NPLOC4: variants seen among roughly 807,000 people sequenced by gnomAD.
NPLOC4 encodes NPL4 homolog, ubiquitin recognition factor, also known as nuclear protein localization protein 4 homolog.
NPLOC4 carries 18 observed loss-of-function variants against 80.6 expected under a neutral mutation model. That is an observed-to-expected ratio of 0.22 (90% CI 0.15 to 0.33). The LOEUF (loss-of-function observed/expected upper bound fraction) is 0.33. NPLOC4 is among the 10% of genes least tolerant of loss of function. The pLI is 1.00. For missense variants in NPLOC4, 540 were observed against 786.1 expected (o/e 0.69, Z 3.74); for synonymous variants, 313 against 301.5 (o/e 1.04, Z -0.39).
intron 16 of NPLOC4, chr17:81,563,908 GGTACTCAC>G (rs754892717): frequency 6.6e-6 from 3 of 454,240 alleles, no homozygotes; most frequent in Admixed American, 2.4e-5. Context: ...GCTAAACATG[GGTACTCAC>G]GTACATAAAG....
chr17:81,585,151 C>A (rs1419716579), intron 12 of NPLOC4, among the ~76,000 whole-genome samples: 1 of 103,280 alleles, frequency 9.7e-6, no homozygotes, highest in African/African-American at 4.1e-5. Context: ...GCCTGGGCGA[C>A]AGAACGAGAC....
chr17:81,587,674 G>GTTTTTTTTTTTT (rs34643456), intron 12 of NPLOC4, among the ~76,000 whole-genome samples: 3 of 93,418 alleles, frequency 3.2e-5, no homozygotes, highest in African/African-American at 1.3e-4. Flanking sequence ...GAAAAAAGTT[G>GTTTTTTTTTTTT]TTTTTTTTTT....
chr17:81,569,142 A>G, intron 13 of NPLOC4, 31 bp from the exon 14 acceptor site: 1 of 1,487,330 alleles, frequency 6.7e-7, no homozygotes, highest in Non-Finnish European at 9.4e-7. Context: ...CCCATGATAA[A>G]TGAGGCTGAA....
Position 81,572,166 on chromosome 17 carries a change from CTTTT to C in NPLOC4, c.1282-82_1282-79del. On this transcript the variant is annotated intron_variant, in intron 12 of 16. Coordinates refer to ENST00000331134, the MANE Select transcript of NPLOC4 (RefSeq NM_017921.4). The surrounding 1 kb of genome is among the most constrained non-coding windows in gnomAD (Gnocchi z 4.5). The stretch of plus-strand genomic sequence containing the variant: ...TTTTCCTTTCACATGCTTGTCTCAC[CTTTT>C]ATTTAATTAATTAATTTATTTATTT... 1 of 703,692 alleles carries C rather than the reference CTTTT, an allele frequency of 1.4e-6. No homozygotes were observed. Among genetic ancestry groups the C allele is most frequent in the Admixed American group, 3.5e-5 (1 of 28,532 alleles). The allele number at this position is 703,692 out of a possible 1,614,324, so 43.6% of individuals were successfully genotyped here.
chr17:81,636,751 T>TGAAAGTCCCCGAGAGGGGCCC (rs1250402867), intron 1 of NPLOC4, among the ~76,000 whole-genome samples, 165 bp downstream of exon 1: 79 of 149,986 alleles, frequency 5.3e-4, no homozygotes, highest in African/African-American at 1.9e-3. Flanking sequence ...CCGAGGGGGG[T>TGAAAGTCCCCGAGAGGGGCCC]GAAAGTCCCC....
intron 2 of NPLOC4, among the ~76,000 whole-genome samples, chr17:81,629,119 C>A (rs1416358217): frequency 6.6e-6 from 1 of 152,042 alleles, no homozygotes; most frequent in East Asian, 1.9e-4. Flanking sequence ...ACCTTGTGAT[C>A]CGCCCGCCTC....
rs190285567 is a variant in NPLOC4 at position 81,613,350 on chromosome 17, G to T, written c.354C>A (p.Asp118Glu). The change falls in exon 4 of 17, where the codon GAC becomes GAA. Residue 118 changes from aspartate to glutamate, a missense_variant. Asp to Glu is a conservative substitution (Grantham distance 45). Around this residue, in one of 6 missense-constraint regions of NPLOC4, gnomAD observed 74 missense variants for 75.7 expected, o/e 0.98. Transcript: ENST00000331134. ...GGTCTCGGCTTCTGTAAATCTTCCCGTCCTGTTTGCTGAGGTACTGATCAA... is the reference window on the plus strand; with the variant it reads ...GGTCTCGGCTTCTGTAAATCTTCCCTTCCTGTTTGCTGAGGTACTGATCAA... ...DEIDQYLSKQ[D>E]GKIYRSRDPQ... 70 of 1,613,550 alleles carry T rather than the reference G, an allele frequency of 4.3e-5. No homozygotes were observed. The highest frequency in any genetic ancestry group is 5.7e-5 in the Non-Finnish European group (67 of 1,179,808).
Position 81,577,080 on chromosome 17 carries a change from G to A in NPLOC4, c.1282-4992C>T, listed in dbSNP as rs371874629. ...AGTGCCAGATGCCAACAAACCCCAC[G>A]GCCTGCTGAGTAAGCAATGCCTGGC... On this transcript the variant is annotated intron_variant, in intron 12 of 16. Transcript: ENST00000331134. This position sits in a 1 kb window ranked among gnomAD's most constrained non-coding sequence, Gnocchi z 4.3. Among the ~76,000 whole-genome samples the A allele has an allele frequency of 3.9e-5, 6 of 152,234 alleles. No individual in the cohort carries two copies. Among genetic ancestry groups the A allele is most frequent in the Non-Finnish European group, 5.9e-5 (4 of 68,006 alleles).
At chr17:81,628,481 C>G (rs1031506572) in intron 2 of NPLOC4, among the ~76,000 whole-genome samples, 3 of 152,022 alleles carry the variant, frequency 2.0e-5, no homozygotes, top group African/African-American at 7.2e-5. Flanking sequence ...CCACTGCACT[C>G]CAGCCTGGGC....
Position 81,636,905 on chromosome 17 carries a change from G to A in NPLOC4, c.15+11C>T. ...CCGGCGTCCCCGCTCCCGCCCGGCC[G>A]CCGCACTCACGATGCTCTCGGCCAT... On this transcript the variant is annotated intron_variant, in intron 1 of 16. Transcript: ENST00000331134. 4 of 1,408,800 alleles carry A rather than the reference G, an allele frequency of 2.8e-6. No homozygotes were observed. Among genetic ancestry groups the A allele is most frequent in the South Asian group, 3.0e-5 (2 of 66,152 alleles). 87.3% of individuals were successfully genotyped at this position (1,408,800 alleles called of 1,614,324 possible).
At position 81,637,003 on chromosome 17, in the gene NPLOC4, G is replaced by A; in HGVS notation, c.-73C>T. On this transcript the variant is annotated 5_prime_UTR_variant, in exon 1 of 17. Transcript: ENST00000331134. The stretch of plus-strand genomic sequence containing the variant: ...GCCGCCCCAAGGGCCTCGCAGACCC[G>A]GCCGCGGCCTCAGCCCCGGCCCCGG... 1.9e-6 allele frequency: 2 copies of A among 1,037,828 alleles called. No homozygotes were observed. Among genetic ancestry groups the A allele is most frequent in the South Asian group, 4.5e-5 (1 of 22,304 alleles). The allele number at this position is 1,037,828 out of a possible 1,614,324, so 64.3% of individuals were successfully genotyped here.
intron 2 of NPLOC4, among the ~76,000 whole-genome samples, chr17:81,622,565 T>G (rs896229672): frequency 5.9e-5 from 9 of 152,056 alleles, no homozygotes; most frequent in African/African-American, 2.2e-4. Context: ...ATCCTTGTTT[T>G]GTTTTCAGAC....
At chr17:81,565,377 C>T (rs774889248) in intron 16 of NPLOC4, 128 bp downstream of exon 16, 10 of 836,092 alleles carry the variant, frequency 1.2e-5, no homozygotes, top group East Asian at 2.6e-5. Context: ...GTTGCATTGC[C>T]GATGGCACCT....
Position 81,585,038 on chromosome 17 carries a change from C to T in NPLOC4, c.1281+3906G>A, listed in dbSNP as rs548819234. On this transcript the variant is annotated intron_variant, in intron 12 of 16. Transcript: ENST00000331134. ...ACAAAAAATCAGCCAGGCGTGGCAG[C>T]GTGCGCCTGTAGTCCTGGCTACTCG... Among the ~76,000 whole-genome samples, 267 of 151,766 alleles carry T rather than the reference C, an allele frequency of 1.8e-3. 2 individuals are homozygous for T. The highest frequency in any genetic ancestry group is 6.2e-3 in the African/African-American group (256 of 41,390).
intron 2 of NPLOC4, among the ~76,000 whole-genome samples, chr17:81,625,416 A>T (rs1404066079): frequency 6.6e-6 from 1 of 152,236 alleles, no homozygotes; most frequent in African/African-American, 2.4e-5. Flanking sequence ...CTCTACACCG[A>T]GGGGTCATCA....
intron 1 of NPLOC4, 75 bp downstream of exon 1, chr17:81,636,841 T>C (rs2144362452): frequency 2.3e-6 from 3 of 1,312,898 alleles, no homozygotes; most frequent in East Asian, 3.1e-5. Context: ...CAGGCCCGCC[T>C]CCCCCACAGG....
chr17:81,559,637 T>C (rs1568110661), intron 16 of NPLOC4, among the ~76,000 whole-genome samples: 2 of 151,984 alleles, frequency 1.3e-5, no homozygotes, highest in Non-Finnish European at 1.5e-5. Context: ...ACAGGGAGCC[T>C]GTGCTTGCTG....
At chr17:81,620,879 T>A (rs2035645130) in intron 3 of NPLOC4, among the ~76,000 whole-genome samples, 1 of 151,592 alleles carries the variant, frequency 6.6e-6, no homozygotes, top group Non-Finnish European at 1.5e-5. Flanking sequence ...TAGATTTGAT[T>A]TAAAAGTGAA....
chr17:81,615,238 TAC>T (rs2035448947), intron 3 of NPLOC4, among the ~76,000 whole-genome samples: 1 of 151,968 alleles, frequency 6.6e-6, no homozygotes, highest in South Asian at 2.1e-4. Flanking sequence ...TAGCTGGGAT[TAC>T]AGACATGTGC....
Sources: gnomAD v4.1 joint callset for allele counts (sites outside exome capture counted in the v4.1 genomes callset) on GRCh38, gnomAD v4.1.1 for gene constraint, gnomAD v4.1.1 regional missense constraint, Gnocchi (gnomAD v3.1) non-coding constraint, MANE v1.5 for transcripts, NCBI Gene and HGNC (gene_info 2026-07-23, HGNC 2026-07-21) for gene names.